Variants in UBE2QL1 observed in about 807,000 individuals in gnomAD.
UBE2QL1 encodes ubiquitin conjugating enzyme E2 QL1.
In UBE2QL1, 5 loss-of-function variants were observed where a neutral mutation model predicts 12.6. That is an observed-to-expected ratio of 0.40 (90% CI 0.21 to 0.83). The LOEUF is 0.83. Among genes scored for constraint, UBE2QL1 ranks in the 40% least tolerant of loss-of-function variants. The pLI is 0.37. For missense variants in UBE2QL1, 99 were observed against 222.6 expected (o/e 0.44, Z 3.53); for synonymous variants, 96 against 94.5 (o/e 1.02, Z -0.10).
At chr5:6,471,386 C>A (rs575143730) in intron 1 of UBE2QL1, among the ~76,000 whole-genome samples, 3 of 152,340 alleles carry the variant, frequency 2.0e-5, no homozygotes, top group African/African-American at 7.2e-5. Flanking sequence ...CAGGCCAGGG[C>A]TGCTGTCTCA....
chr5:6,459,400 C>T (rs1439418654), intron 1 of UBE2QL1, among the ~76,000 whole-genome samples: 1 of 152,114 alleles, frequency 6.6e-6, no homozygotes, highest in Non-Finnish European at 1.5e-5. Context: ...AGATAGAGGG[C>T]TCTTGGTTAT....
At position 6,494,336 on chromosome 5, in the gene UBE2QL1, T is replaced by A. The variant is rs10044719; in HGVS notation, c.*2987T>A. ...ACACACGCACATGTGCCAATACTCC[T>A]GCAAAGACTTGCTGTTTCTAAAATC... is the stretch of plus-strand genomic sequence containing the variant. On this transcript the variant is annotated 3_prime_UTR_variant, in exon 2 of 2. Coordinates refer to ENST00000399816, the MANE Select transcript of UBE2QL1 (RefSeq NM_001145161.3). 6.6e-6 allele frequency: 1 copy of A among 152,180 alleles called. No individual in the cohort carries two copies. Among genetic ancestry groups the A allele is most frequent in the Admixed American group, 6.5e-5 (1 of 15,282 alleles). 9.4% of individuals were successfully genotyped at this position (152,180 alleles called of 1,614,324 possible). A position where few individuals can be genotyped will look rare whatever the true frequency, so the allele number is the denominator to read the frequency against.
intron 1 of UBE2QL1, among the ~76,000 whole-genome samples, chr5:6,461,929 G>T (rs751091682): frequency 1.3e-5 from 2 of 152,120 alleles, no homozygotes; most frequent in African/African-American, 4.8e-5. Flanking sequence ...TGGATAAGCC[G>T]CAGGCTCTCA....
intron 1 of UBE2QL1, among the ~76,000 whole-genome samples, chr5:6,464,379 C>T (rs902949983): frequency 6.6e-6 from 1 of 152,192 alleles, no homozygotes; most frequent in Non-Finnish European, 1.5e-5. Context: ...AGATGTCTCA[C>T]AAGTCGAAAA....
rs891237555 is a variant in UBE2QL1, at chr5:6,455,709, G to A, written c.354+6462G>A. 5.3e-5 allele frequency among the ~76,000 whole-genome samples: 8 copies of A among 152,168 alleles called. No homozygotes were observed. The East Asian group carries it at 5.8e-4, about 11-fold the overall frequency. On this transcript the variant is annotated intron_variant, in intron 1 of 1. Coordinates refer to ENST00000399816, the MANE Select transcript of UBE2QL1 (RefSeq NM_001145161.3). ...GCCCGGGTTGGAAAAGCTGCCTGAC[G>A]CTGGCCATGGTCCACCTCCTCCCTC... is the stretch of plus-strand genomic sequence containing the variant.
intron 1 of UBE2QL1, among the ~76,000 whole-genome samples, chr5:6,469,244 G>A (rs1231093213): frequency 6.6e-6 from 1 of 152,108 alleles, no homozygotes; most frequent in Non-Finnish European, 1.5e-5. Flanking sequence ...GTAACACAAA[G>A]CATCATTTCC....
chr5:6,492,651 A>T lies in UBE2QL1; in HGVS notation c.*1302A>T, dbSNP rs985137944. ...TATCCTTCCATTTAAAATATTTCAG[A>T]TATTCTTAAATTTTTTAAATATTGC... On this transcript the variant is annotated 3_prime_UTR_variant, in exon 2 of 2. Transcript: ENST00000399816. The T allele has an allele frequency of 6.6e-6, 1 of 152,236 alleles. No individual in the cohort carries two copies. The highest frequency in any genetic ancestry group is 1.5e-5 in the Non-Finnish European group (1 of 68,046). 9.4% of individuals were successfully genotyped at this position (152,236 alleles called of 1,614,324 possible).
intron 1 of UBE2QL1, among the ~76,000 whole-genome samples, chr5:6,477,348 G>T (rs893085518): frequency 1.3e-5 from 2 of 152,192 alleles, no homozygotes; most frequent in Non-Finnish European, 2.9e-5. Context: ...AGGTCAGCCT[G>T]CTGAGGACAG....
At chr5:6,469,879 G>T (rs542316160) in intron 1 of UBE2QL1, among the ~76,000 whole-genome samples, 1 of 152,232 alleles carries the variant, frequency 6.6e-6, no homozygotes, top group South Asian at 2.1e-4. Context: ...GAAGGAGATG[G>T]CTCTAATTTG....
rs1734237445 is a variant in UBE2QL1 at position 6,476,724 on chromosome 5, A to G, written c.355-14494A>G. ...ATTGCCTGGAGTGACCTTTGGTCGT[A>G]TCACATGAGAGATGCCCACTTGCTA... On this transcript the variant is annotated intron_variant, in intron 1 of 1. Coordinates refer to ENST00000399816, the MANE Select transcript of UBE2QL1 (RefSeq NM_001145161.3). The surrounding 1 kb of genome is among the most constrained non-coding windows in gnomAD (Gnocchi z 4.9). Among the ~76,000 whole-genome samples, 1 of 152,182 alleles carries G rather than the reference A, an allele frequency of 6.6e-6. No individual in the cohort carries two copies. The highest frequency in any genetic ancestry group is 2.4e-5 in the African/African-American group (1 of 41,454).
At chr5:6,457,320 C>T (rs917050847) in intron 1 of UBE2QL1, among the ~76,000 whole-genome samples, 2 of 152,040 alleles carry the variant, frequency 1.3e-5, no homozygotes, top group African/African-American at 4.8e-5. Flanking sequence ...CAAACAGCTC[C>T]TCAACCACTC....
Position 6,478,364 on chromosome 5 carries a change from C to T in UBE2QL1, c.355-12854C>T, listed in dbSNP as rs1734283181. Among the ~76,000 whole-genome samples the T allele has an allele frequency of 6.6e-6, 1 of 152,248 alleles. No homozygotes were observed. The highest frequency in any genetic ancestry group is 6.5e-5 in the Admixed American group (1 of 15,282). On this transcript the variant is annotated intron_variant, in intron 1 of 1. Coordinates refer to ENST00000399816, the MANE Select transcript of UBE2QL1 (RefSeq NM_001145161.3). The surrounding 1 kb of genome is among the most constrained non-coding windows in gnomAD (Gnocchi z 4.5). Reference sequence around the variant, plus strand: ...AAGAGACCACAGCCGTGAACTGCCACCATCAAGCGCAAAGCCTCCCTGAAG... The same window carrying T: ...AAGAGACCACAGCCGTGAACTGCCATCATCAAGCGCAAAGCCTCCCTGAAG...
At chr5:6,463,473 C>T (rs2126338332) in intron 1 of UBE2QL1, among the ~76,000 whole-genome samples, 1 of 152,108 alleles carries the variant, frequency 6.6e-6, no homozygotes, top group Non-Finnish European at 1.5e-5. Context: ...CTGCGTGGTG[C>T]AGACTGCAAA....
chr5:6,487,181 G>A (rs1021847049), intron 1 of UBE2QL1, among the ~76,000 whole-genome samples: 2 of 152,212 alleles, frequency 1.3e-5, no homozygotes, highest in African/African-American at 4.8e-5. Flanking sequence ...CATGGGGGCC[G>A]AACTGGGGAG....
intron 1 of UBE2QL1, among the ~76,000 whole-genome samples, chr5:6,450,543 A>G (rs978815147): frequency 2.0e-5 from 3 of 152,234 alleles, no homozygotes; most frequent in Non-Finnish European, 4.4e-5. Context: ...AAAAGACCCC[A>G]AATGACCTCG....
At position 6,476,474 on chromosome 5, in the gene UBE2QL1, G is replaced by A. The variant is rs1250708428; in HGVS notation, c.355-14744G>A. Among the ~76,000 whole-genome samples, 1 of 152,154 alleles carries A rather than the reference G, an allele frequency of 6.6e-6. No homozygotes were observed. Among genetic ancestry groups the A allele is most frequent in the East Asian group, 1.9e-4 (1 of 5,190 alleles). ...GGCTGCTGGGTCAGGGTTGCTGCAG[G>A]AAGAAGCTTTGCCAGGGCTGTGCTG... On this transcript the variant is annotated intron_variant, in intron 1 of 1. Coordinates refer to ENST00000399816, the MANE Select transcript of UBE2QL1 (RefSeq NM_001145161.3). This position sits in a 1 kb window ranked among gnomAD's most constrained non-coding sequence, Gnocchi z 4.9.
chr5:6,461,427 G>A (rs1008480631), intron 1 of UBE2QL1, among the ~76,000 whole-genome samples: 7 of 150,986 alleles, frequency 4.6e-5, no homozygotes, highest in Non-Finnish European at 1.0e-4. Flanking sequence ...TTTCTACGCT[G>A]TTTTTATTGT....
chr5:6,456,636 C>T (rs751569152), intron 1 of UBE2QL1, among the ~76,000 whole-genome samples: 3 of 152,138 alleles, frequency 2.0e-5, no homozygotes, highest in Admixed American at 2.0e-4. Context: ...GTGACGTTGC[C>T]CTTGGCATTC....
chr5:6,492,516 T>C lies in UBE2QL1; in HGVS notation c.*1167T>C, dbSNP rs1160568294. On this transcript the variant is annotated 3_prime_UTR_variant, in exon 2 of 2. Transcript: ENST00000399816. ...TGAGGAAATACTGTTTCTAATAATA[T>C]GAGGAAAGAAGTAAAAATGTTCATT... 6 of 152,188 alleles carry C rather than the reference T, an allele frequency of 3.9e-5. No individual in the cohort carries two copies. In the East Asian group the frequency reaches 9.6e-4, roughly 24 times the overall value. 9.4% of individuals were successfully genotyped at this position (152,188 alleles called of 1,614,324 possible).
Sources: allele counts gnomAD v4.1 joint callset (sites outside exome capture counted in the v4.1 genomes callset), GRCh38; gene constraint gnomAD v4.1.1; non-coding constraint Gnocchi (gnomAD v3.1); transcripts MANE v1.5; gene names NCBI Gene and HGNC (gene_info 2026-07-23, HGNC 2026-07-21).